Variants in COLEC11 observed in about 807,000 individuals in gnomAD.
COLEC11 encodes the protein collectin-11.
COLEC11 carries 20 observed loss-of-function variants against 27.3 expected under a neutral mutation model. The observed-to-expected ratio is 0.73, with a 90% CI of 0.51 to 1.06. The LOEUF (loss-of-function observed/expected upper bound fraction) is 1.06. Among genes scored for constraint, COLEC11 ranks in the 50% least tolerant of loss-of-function variants. COLEC11 has a pLI of 0.00. For missense variants in COLEC11, 310 were observed against 383.0 expected (o/e 0.81, Z 1.59); for synonymous variants, 163 against 154.7 (o/e 1.05, Z -0.40).
chr2:3,644,301 CCTGGGGTGCTGTCT>C lies in COLEC11; in HGVS notation c.*187_*200del, dbSNP rs1666111873. Reference sequence around the variant, plus strand: ...TGCTTAAGAGGAAAATGAAAGTGTTCCTGGGGTGCTGTCTCTGAAGAAGCAGAGTTTCATTACCT... The same window carrying C: ...TGCTTAAGAGGAAAATGAAAGTGTTCCTGAAGAAGCAGAGTTTCATTACCT... On this transcript the variant is annotated 3_prime_UTR_variant, in exon 7 of 7. Transcript: ENST00000349077. The C allele has an allele frequency of 1.3e-6, 1 of 766,906 alleles. No individual in the cohort carries two copies. The highest frequency in any genetic ancestry group is 1.7e-5 in the African/African-American group (1 of 58,332). The allele number at this position is 766,906 out of a possible 1,614,324, so 47.5% of individuals were successfully genotyped here.
intron 5 of COLEC11, chr2:3,641,241 T>C (rs1665839869): frequency 3.1e-6 from 4 of 1,304,212 alleles, no homozygotes; most frequent in Non-Finnish European, 4.0e-6. Flanking sequence ...TTTTAAAAGC[T>C]CCTTCGGCAC....
chr2:3,616,884 G>A (rs959692895), intron 3 of COLEC11, among the ~76,000 whole-genome samples: 1 of 152,190 alleles, frequency 6.6e-6, no homozygotes, highest in Non-Finnish European at 1.5e-5. Flanking sequence ...GGTTCATCCA[G>A]GTCACAAATG....
At chr2:3,607,921 T>C (rs1297032912) in intron 2 of COLEC11, among the ~76,000 whole-genome samples, 1 of 152,188 alleles carries the variant, frequency 6.6e-6, no homozygotes, top group Non-Finnish European at 1.5e-5. Context: ...AGGTCCTGGC[T>C]TTCTCCTCTC....
chr2:3,641,543 C>A, intron 5 of COLEC11: 1 of 674,008 alleles, frequency 1.5e-6, no homozygotes, highest in Non-Finnish European at 2.1e-6. Flanking sequence ...GGAATCCATC[C>A]ACTTCCCCTG....
At chr2:3,605,370 GC>G (rs1239777129) in intron 2 of COLEC11, among the ~76,000 whole-genome samples, 1 of 30,004 alleles carries the variant, frequency 3.3e-5, no homozygotes, top group Admixed American at 3.0e-4. Flanking sequence ...CGAGGAGGGG[GC>G]GGGGGAGTCA....
chr2:3,644,578 A>T lies in COLEC11; in HGVS notation c.*460A>T, dbSNP rs1174409910. 1.6e-5 allele frequency: 6 copies of T among 385,688 alleles called. No individual in the cohort carries two copies. Among genetic ancestry groups the T allele is most frequent in the Non-Finnish European group, 2.5e-5 (5 of 196,894 alleles). The allele number at this position is 385,688 out of a possible 1,614,324, so 23.9% of individuals were successfully genotyped here. On this transcript the variant is annotated 3_prime_UTR_variant, in exon 7 of 7. Transcript: ENST00000349077. ...GGTTCCTTCACACTATTATCCATGT[A>T]AAAACAATTTTGCTTTGCTTCAAAC...
At chr2:3,642,664 C>T (rs1305558702) in intron 5 of COLEC11, among the ~76,000 whole-genome samples, 3 of 152,250 alleles carry the variant, frequency 2.0e-5, no homozygotes, top group Admixed American at 1.3e-4. Flanking sequence ...CTGTCTTTCC[C>T]TCCACATTCC....
intron 4 of COLEC11, among the ~76,000 whole-genome samples, 160 bp downstream of exon 4, chr2:3,637,764 G>A (rs1164282366): frequency 6.6e-6 from 1 of 152,146 alleles, no homozygotes; most frequent in Non-Finnish European, 1.5e-5. Flanking sequence ...CCATTTTTGG[G>A]GTGCTTGGAG....
At chr2:3,603,786 T>G in intron 1 of COLEC11, 1 of 946,846 alleles carries the variant, frequency 1.1e-6, no homozygotes, top group Non-Finnish European at 1.6e-6. Context: ...TCCTTACTGA[T>G]CTCACCGAGG....
chr2:3,617,742 T>G, intron 3 of COLEC11: 18 of 1,305,942 alleles, frequency 1.4e-5, no homozygotes, highest in Non-Finnish European at 1.9e-5. Flanking sequence ...GTCTGCGCAG[T>G]GGCCACCACT....
intron 1 of COLEC11, among the ~76,000 whole-genome samples, chr2:3,597,420 G>A (rs11678235): frequency 0.1 from 15,071 of 149,396 alleles, 816 homozygotes; most frequent in Non-Finnish European, 0.12. Flanking sequence ...GAGAAATCCC[G>A]CCTGGGCTGC....
intron 3 of COLEC11, among the ~76,000 whole-genome samples, chr2:3,624,308 G>A (rs990093680): frequency 2.6e-5 from 4 of 152,164 alleles, no homozygotes; most frequent in South Asian, 2.1e-4. Flanking sequence ...TTGGGTGCCC[G>A]TGGTCCAGTT....
At chr2:3,640,211 G>T in intron 4 of COLEC11, 67 bp from the exon 5 acceptor site, 1 of 946,372 alleles carries the variant, frequency 1.1e-6, no homozygotes, top group Non-Finnish European at 1.7e-6. Context: ...TTTCAGTCTT[G>T]ATGTTTTTAA....
At chr2:3,596,540 T>C (rs1202083730) in intron 1 of COLEC11, among the ~76,000 whole-genome samples, 1 of 152,138 alleles carries the variant, frequency 6.6e-6, no homozygotes, top group African/African-American at 2.4e-5. Flanking sequence ...GGTTTCACCA[T>C]GTTGGCCAGG....
chr2:3,633,197 C>A (rs1425724861), intron 3 of COLEC11, among the ~76,000 whole-genome samples: 1 of 152,164 alleles, frequency 6.6e-6, no homozygotes, highest in Non-Finnish European at 1.5e-5. Flanking sequence ...TAGACCAGGA[C>A]CGGGATGGTG....
At chr2:3,625,076 T>C (rs1664438523) in intron 3 of COLEC11, among the ~76,000 whole-genome samples, 2 of 152,210 alleles carry the variant, frequency 1.3e-5, no homozygotes, top group Admixed American at 1.3e-4. Flanking sequence ...TTTCTACCTC[T>C]TAAAGAATCT....
chr2:3,606,281 T>C (rs1171272109), intron 2 of COLEC11: 52 of 1,522,428 alleles, frequency 3.4e-5, no homozygotes, highest in Non-Finnish European at 4.6e-5. Context: ...TGGGGTGGGC[T>C]CCAGGGTCCT....
chr2:3,611,982 T>C (rs980187934), intron 2 of COLEC11, among the ~76,000 whole-genome samples: 1 of 148,532 alleles, frequency 6.7e-6, no homozygotes, highest in African/African-American at 2.5e-5. Context: ...CTCTATATGC[T>C]CTCTCTATAT....
At chr2:3,626,023 C>T in intron 3 of COLEC11, 1 of 1,613,700 alleles carries the variant, frequency 6.2e-7, no homozygotes. Context: ...GCAGTCACAG[C>T]CAGTCGTGAC....
Sources: allele counts gnomAD v4.1 joint callset (sites outside exome capture counted in the v4.1 genomes callset), GRCh38; gene constraint gnomAD v4.1.1; transcripts MANE v1.5; gene names NCBI Gene and HGNC (gene_info 2026-07-23, HGNC 2026-07-21).